The following TBXAS1 variants were observed in gnomAD, a reference collection of about 807,000 sequenced individuals.
TBXAS1 encodes thromboxane A synthase 1.
Under a neutral mutation model 60.7 loss-of-function variants are expected in TBXAS1, and 48 were observed. That is an observed-to-expected ratio of 0.79 (90% CI 0.63 to 1.01). TBXAS1 has a LOEUF of 1.01. Among genes scored for constraint, TBXAS1 ranks in the 50% least tolerant of loss-of-function variants. The pLI, the probability that TBXAS1 is intolerant of heterozygous loss-of-function variation, is 0.00. For synonymous variants in TBXAS1, 287 were observed against 269.7 expected, an observed-to-expected ratio of 1.06 and a Z score of -0.63; for missense variants, 685 against 686.3, an observed-to-expected ratio of 1.00 and a Z score of 0.02.
chr7:139,840,984 A>G (rs1799399822), intron 1 of TBXAS1, among the ~76,000 whole-genome samples: 1 of 152,016 alleles, frequency 6.6e-6, no homozygotes, highest in East Asian at 1.9e-4. Flanking sequence ...GCGCTCTTGC[A>G]TGGGTCAGTC....
intron 1 of TBXAS1, among the ~76,000 whole-genome samples, chr7:139,837,249 G>T (rs1355873226): frequency 6.6e-6 from 1 of 152,156 alleles, no homozygotes; most frequent in Admixed American, 6.5e-5. Flanking sequence ...AACAGTGTAG[G>T]GATTCCCTAA....
In TBXAS1 at chr7:139,916,615, C is replaced by T. The variant is rs189934090; in HGVS notation, c.333+5294C>T. On this transcript the variant is annotated intron_variant, in intron 4 of 12. Transcript: ENST00000448866. This position sits in a 1 kb window ranked among gnomAD's most constrained non-coding sequence, Gnocchi z 4.2. The stretch of plus-strand genomic sequence containing the variant: ...GCTCTCCACACAGCTGTGAACATTG[C>T]AGGATGAGTCACTGTGAAACCACAA... 6.6e-6 allele frequency among the ~76,000 whole-genome samples: 1 copy of T among 152,322 alleles called. No individual in the cohort carries two copies. The highest frequency in any genetic ancestry group is 1.5e-5 in the Non-Finnish European group (1 of 68,018).
intron 3 of TBXAS1, among the ~76,000 whole-genome samples, chr7:139,881,435 A>C (rs1802683916): frequency 6.6e-6 from 1 of 151,924 alleles, no homozygotes; most frequent in Non-Finnish European, 1.5e-5. Flanking sequence ...TGGAAGATGG[A>C]GTTAGGGACA....
intron 1 of TBXAS1, among the ~76,000 whole-genome samples, chr7:139,830,537 A>ATTT (rs1798634048): frequency 2.7e-5 from 2 of 74,184 alleles, no homozygotes; most frequent in East Asian, 1.3e-3. Context: ...TAACTGGTTT[A>ATTT]ATTTTTTTTT....
intron 1 of TBXAS1, among the ~76,000 whole-genome samples, chr7:139,839,338 A>G (rs575792852): frequency 3.3e-5 from 5 of 152,312 alleles, no homozygotes; most frequent in Admixed American, 6.5e-5. Flanking sequence ...TTTAGGCGTG[A>G]GGTTTCAGGA....
At chr7:139,868,656 T>A (rs1212933358) in intron 1 of TBXAS1, among the ~76,000 whole-genome samples, 1 of 147,148 alleles carries the variant, frequency 6.8e-6, no homozygotes, top group Non-Finnish European at 1.5e-5. Flanking sequence ...GCTAATATTT[T>A]TTTTTTTTTT....
chr7:139,796,904 A>G (rs1175977767), intron 4 of TBXAS1, among the ~76,000 whole-genome samples: 1 of 152,210 alleles, frequency 6.6e-6, no homozygotes, highest in Non-Finnish European at 1.5e-5. Context: ...CAATGCATGT[A>G]TTTTAACTTT....
chr7:139,907,964 C>T (rs1805236612), intron 3 of TBXAS1, among the ~76,000 whole-genome samples: 1 of 151,944 alleles, frequency 6.6e-6, no homozygotes, highest in South Asian at 2.1e-4. Context: ...TTGTAGTAGA[C>T]CCTTATCCTT....
At chr7:139,881,461 C>CCCCA (rs1569506939) in intron 3 of TBXAS1, among the ~76,000 whole-genome samples, 1 of 147,476 alleles carries the variant, frequency 6.8e-6, no homozygotes, top group African/African-American at 2.6e-5. Flanking sequence ...TTTTTCCCCC[C>CCCCA]CTCCAGGAGG....
intron 9 of TBXAS1, among the ~76,000 whole-genome samples, chr7:139,974,359 A>G (rs549842818): frequency 6.6e-6 from 1 of 152,282 alleles, no homozygotes; most frequent in East Asian, 1.9e-4. Flanking sequence ...CACCAGAGCA[A>G]AGAAGCTTGT....
At chr7:139,863,593 C>T (rs1239332407) in intron 1 of TBXAS1, among the ~76,000 whole-genome samples, 2 of 152,104 alleles carry the variant, frequency 1.3e-5, no homozygotes, top group Non-Finnish European at 2.9e-5. Flanking sequence ...ACAATAAAAC[C>T]ACTACATTAA....
At chr7:139,985,092 C>T (rs978268541) in intron 9 of TBXAS1, among the ~76,000 whole-genome samples, 3 of 152,192 alleles carry the variant, frequency 2.0e-5, no homozygotes, top group East Asian at 1.9e-4. Flanking sequence ...ACTCCAGGAG[C>T]GAGGGGCTCA....
intron 1 of TBXAS1, among the ~76,000 whole-genome samples, chr7:139,830,776 T>G (rs1798651436): frequency 6.6e-6 from 1 of 152,026 alleles, no homozygotes; most frequent in Non-Finnish European, 1.5e-5. Flanking sequence ...AGAAAATAAG[T>G]CTTTAGTGGT....
In TBXAS1 at chr7:139,831,148, G is replaced by T. The variant is rs545870286; in HGVS notation, c.89+1669G>T. 1.0e-3 allele frequency among the ~76,000 whole-genome samples: 155 copies of T among 152,270 alleles called. 1 individual carries two copies. Among genetic ancestry groups the T allele is most frequent in the African/African-American group, 3.2e-3 (132 of 41,558 alleles). ...CAGTCTGGAGGAGGCCCTGGTACAAGGTCAGGAAGCAGGAGATCTGGAGAA... is the reference window on the plus strand; with the variant it reads ...CAGTCTGGAGGAGGCCCTGGTACAATGTCAGGAAGCAGGAGATCTGGAGAA... On this transcript the variant is annotated intron_variant, in intron 1 of 12. Transcript: ENST00000448866.
At chr7:139,885,663 A>G (rs1803035059) in intron 3 of TBXAS1, among the ~76,000 whole-genome samples, 1 of 152,254 alleles carries the variant, frequency 6.6e-6, no homozygotes, top group Admixed American at 6.5e-5. Context: ...TTTAAAAGAA[A>G]TTATTACTAA....
intron 4 of TBXAS1, among the ~76,000 whole-genome samples, chr7:139,935,752 G>A (rs1167197377): frequency 6.6e-6 from 1 of 151,816 alleles, no homozygotes; most frequent in African/African-American, 2.4e-5. Flanking sequence ...TGAGTCTTCT[G>A]TCAACTTCGG....
At chr7:139,922,524 T>C (rs1806564432) in intron 4 of TBXAS1, among the ~76,000 whole-genome samples, 1 of 152,222 alleles carries the variant, frequency 6.6e-6, no homozygotes, top group South Asian at 2.1e-4. Flanking sequence ...GATTGACTTG[T>C]TTTTCTTTGC....
chr7:139,946,944 C>T (rs914227164), intron 5 of TBXAS1, among the ~76,000 whole-genome samples: 4 of 152,202 alleles, frequency 2.6e-5, no homozygotes, highest in South Asian at 2.1e-4. Context: ...CGGAATCTTA[C>T]ACTCAAGGAA....
At chr7:139,813,272 C>T (rs1798067129) in intron 4 of TBXAS1, among the ~76,000 whole-genome samples, 2 of 152,114 alleles carry the variant, frequency 1.3e-5, no homozygotes, top group African/African-American at 4.8e-5. Context: ...CAGAGACCTT[C>T]CAGTACTGGG....
Sources: gnomAD v4.1 joint callset for allele counts (sites outside exome capture counted in the v4.1 genomes callset) on GRCh38, gnomAD v4.1.1 for gene constraint, Gnocchi (gnomAD v3.1) non-coding constraint, MANE v1.5 for transcripts, NCBI Gene and HGNC (gene_info 2026-07-23, HGNC 2026-07-21) for gene names.